The following HAS2 variants were observed in gnomAD, a reference collection of about 807,000 sequenced individuals.
HAS2 encodes the protein hyaluronan synthase 2.
HAS2 carries 16 observed loss-of-function variants against 51.6 expected under a neutral mutation model. The observed-to-expected ratio is 0.31, with a 90% CI of 0.21 to 0.47. The LOEUF is 0.47. Ranked by LOEUF, HAS2 falls within the 20% of genes least tolerant of loss-of-function variation. The probability of loss-of-function intolerance (pLI) is 1.00; values close to 1 mark genes in which losing one functional copy is unlikely to be tolerated. For missense variants in HAS2, 361 were observed against 662.6 expected (o/e 0.54, Z 5.00); for synonymous variants, 228 against 235.5 (o/e 0.97, Z 0.29).
intron 2 of HAS2, among the ~76,000 whole-genome samples, chr8:121,621,496 G>T (rs181191175): frequency 6.6e-6 from 1 of 152,238 alleles, no homozygotes; most frequent in African/African-American, 2.4e-5. Context: ...ATTTCCATTA[G>T]TATAAGGTAA....
At position 121,612,451 on chromosome 8, in the gene HAS2, T is replaced by G. The variant is rs951932380; in HGVS notation, c.*1658A>C. On this transcript the variant is annotated 3_prime_UTR_variant, in exon 4 of 4. Coordinates refer to ENST00000303924, the MANE Select transcript of HAS2 (RefSeq NM_005328.3). ...GCAGGATAGATGTAACATAGATGAC[T>G]GCATAAAAAAGAGGCAGAAAGGCAG... 3.9e-5 allele frequency: 6 copies of G among 152,042 alleles called. No homozygotes were observed. The highest frequency in any genetic ancestry group is 1.5e-4 in the African/African-American group (6 of 41,360). 9.4% of individuals were successfully genotyped at this position (152,042 alleles called of 1,614,324 possible). A position where few individuals can be genotyped will look rare whatever the true frequency, so the allele number is the denominator to read the frequency against.
chr8:121,628,990 G>A lies in HAS2; in HGVS notation c.351C>T (p.Val117=), dbSNP rs1812892373. 1 of 1,614,080 alleles carries A rather than the reference G, an allele frequency of 6.2e-7. No homozygotes were observed. The highest frequency in any genetic ancestry group is 1.1e-5 in the South Asian group (1 of 91,072). The change falls in exon 2 of 4, where the codon GTC becomes GTT. Residue 117 remains valine (V), a synonymous_variant. Transcript: ENST00000303924. ...KRLTYPGIKV[V]MVIDGNSEDD... is the part of the protein sequence containing the mutation. The stretch of plus-strand genomic sequence containing the variant: ...CTTCTGAGTTCCCATCTATGACCAT[G>A]ACAACTTTAATCCCAGGGTAGGTTA...
chr8:121,621,818 A>G (rs1812777161), intron 2 of HAS2, among the ~76,000 whole-genome samples: 1 of 152,100 alleles, frequency 6.6e-6, no homozygotes, highest in Non-Finnish European at 1.5e-5. Flanking sequence ...CCAAATCTCC[A>G]TGTTTTACTT....
In HAS2 at chr8:121,614,904, T is replaced by C; in HGVS notation, c.864A>G (p.Arg288=). ...CCACAAACTCATGCAACAAGGAGTT[T>C]CTGTACATTCCCAGAGGTCCACTAA... The part of the protein sequence containing the change: ...QCISGPLGMY[R]NSLLHEFVED... Residue 288 remains arginine (R), a synonymous_variant, in exon 4 of 4, where the codon AGA becomes AGG. Coordinates refer to ENST00000303924, the MANE Select transcript of HAS2 (RefSeq NM_005328.3). The surrounding 1 kb of genome is among the most constrained non-coding windows in gnomAD (Gnocchi z 7.2). 6.2e-7 allele frequency: 1 copy of C among 1,614,200 alleles called. No homozygotes were observed. Among genetic ancestry groups the C allele is most frequent in the Non-Finnish European group, 8.5e-7 (1 of 1,180,040 alleles).
At chr8:121,615,451 C>T (rs1812687128) in intron 3 of HAS2, among the ~76,000 whole-genome samples, 1 of 152,102 alleles carries the variant, frequency 6.6e-6, no homozygotes, top group Admixed American at 6.5e-5. Context: ...ATTCTCCTGC[C>T]TCACCTGGGA....
rs751354983 is a variant in HAS2 at position 121,615,003 on chromosome 8, G to A, written c.765C>T (p.Leu255=). The change falls in exon 4 of 4, where the codon CTC becomes CTT. Residue 255 remains leucine (L), a synonymous_variant. Transcript: ENST00000303924. ...LNKYDSWISF[L]SSVRYWMAFN... ...AAGCCATCCAATATCTTACACTGCT[G>A]AGGAATGAGATCCAGGAATCGTACT... The A allele has an allele frequency of 1.2e-6, 2 of 1,609,102 alleles. No individual in the cohort carries two copies. The highest frequency in any genetic ancestry group is 1.1e-5 in the South Asian group (1 of 90,400).
Position 121,612,877 on chromosome 8 carries a change from T to TATG in HAS2, c.*1229_*1231dup, listed in dbSNP as rs988347938. ...ATTCTATCTGCCAATTTTGAATTTA[T>TATG]ATGTTTTATAATTTATCCAACTCAC... On this transcript the variant is annotated 3_prime_UTR_variant, in exon 4 of 4. Transcript: ENST00000303924. The TATG allele has an allele frequency of 1.3e-5, 2 of 151,960 alleles. No individual in the cohort carries two copies. Among genetic ancestry groups the TATG allele is most frequent in the African/African-American group, 4.8e-5 (2 of 41,336 alleles). The allele number at this position is 151,960 out of a possible 1,614,324, so 9.4% of individuals were successfully genotyped here. A position where few individuals can be genotyped will look rare whatever the true frequency, so the allele number is the denominator to read the frequency against.
chr8:121,622,260 C>A (rs6651224), intron 2 of HAS2, among the ~76,000 whole-genome samples: 2 of 151,970 alleles, frequency 1.3e-5, no homozygotes, highest in African/African-American at 4.8e-5. Context: ...ACCATTCCCC[C>A]TGAACTCCTA....
intron 2 of HAS2, among the ~76,000 whole-genome samples, chr8:121,626,797 G>A (rs1011297839): frequency 1.3e-5 from 2 of 152,152 alleles, no homozygotes; most frequent in South Asian, 4.1e-4. Flanking sequence ...AATGCTAAGA[G>A]ATTTGTACTC....
At chr8:121,627,730 T>A (rs4255143) in intron 2 of HAS2, among the ~76,000 whole-genome samples, 3 of 151,874 alleles carry the variant, frequency 2.0e-5, no homozygotes, top group African/African-American at 7.3e-5. Context: ...ATCTCACTAC[T>A]TGACAACCAC....
chr8:121,614,880 C>T lies in HAS2; in HGVS notation c.888G>A (p.Val296=). 1 of 1,614,210 alleles carries T rather than the reference C, an allele frequency of 6.2e-7. No individual in the cohort carries two copies. Among genetic ancestry groups the T allele is most frequent in the Non-Finnish European group, 8.5e-7 (1 of 1,180,034 alleles). Residue 296 remains valine, a synonymous_variant, in exon 4 of 4, where the codon GTG becomes GTA. Coordinates refer to ENST00000303924, the MANE Select transcript of HAS2 (RefSeq NM_005328.3). The surrounding 1 kb of genome is among the most constrained non-coding windows in gnomAD (Gnocchi z 7.2). ...MYRNSLLHEF[V]EDWYNQEFMG... Reference sequence around the variant, plus strand: ...TAAATTCTTGATTGTACCAATCTTCCACAAACTCATGCAACAAGGAGTTTC... The same window carrying T: ...TAAATTCTTGATTGTACCAATCTTCTACAAACTCATGCAACAAGGAGTTTC...
chr8:121,621,878 C>T (rs1055213525), intron 2 of HAS2, among the ~76,000 whole-genome samples: 2 of 152,038 alleles, frequency 1.3e-5, no homozygotes, highest in African/African-American at 4.8e-5. Context: ...TCCTCCCATA[C>T]CACTTCAAAG....
Position 121,613,295 on chromosome 8 carries a change from A to G in HAS2, c.*814T>C, listed in dbSNP as rs1262048400. 2 of 152,450 alleles carry G rather than the reference A, an allele frequency of 1.3e-5. No homozygotes were observed. Among genetic ancestry groups the G allele is most frequent in the East Asian group, 3.8e-4 (2 of 5,196 alleles). The allele number at this position is 152,450 out of a possible 1,614,324, so 9.4% of individuals were successfully genotyped here. On this transcript the variant is annotated 3_prime_UTR_variant, in exon 4 of 4. Coordinates refer to ENST00000303924, the MANE Select transcript of HAS2 (RefSeq NM_005328.3). ...CGAAAGTGTGTATTTTTACTTCCAA[A>G]GTGTGATAGGTATATTGGCCTTTTC...
At chr8:121,619,152 G>C (rs1370807591) in intron 2 of HAS2, among the ~76,000 whole-genome samples, 1 of 151,958 alleles carries the variant, frequency 6.6e-6, no homozygotes, top group Non-Finnish European at 1.5e-5. Context: ...AAGGCGGGGG[G>C]ATTGTTTGAG....
At chr8:121,628,575 A>T in intron 2 of HAS2, 139 bp downstream of exon 2, 1 of 746,414 alleles carries the variant, frequency 1.3e-6, no homozygotes, top group Non-Finnish European at 2.2e-6. Context: ...TGCTTTCAAC[A>T]GTCATGCTGT....
At chr8:121,636,254 ATT>A in intron 1 of HAS2, among the ~76,000 whole-genome samples, 1 of 152,282 alleles carries the variant, frequency 6.6e-6, no homozygotes, top group Admixed American at 6.5e-5. Flanking sequence ...CCTGATGTGT[ATT>A]CCCTCTGCTA....
chr8:121,620,019 A>G (rs1307670889), intron 2 of HAS2, among the ~76,000 whole-genome samples: 2 of 152,164 alleles, frequency 1.3e-5, no homozygotes, highest in Non-Finnish European at 2.9e-5. Context: ...GCCCCTCCCA[A>G]TTTCCAATAG....
chr8:121,636,054 A>T (rs1055541365), intron 1 of HAS2, among the ~76,000 whole-genome samples: 2 of 152,212 alleles, frequency 1.3e-5, no homozygotes, highest in Non-Finnish European at 2.9e-5. Flanking sequence ...TATATATGCA[A>T]ATTACCTGCA....
At chr8:121,639,614 C>T (rs142623985) in intron 1 of HAS2, 1 of 153,008 alleles carries the variant, frequency 6.5e-6, no homozygotes, top group Non-Finnish European at 1.5e-5. Flanking sequence ...CCTGTGCTCC[C>T]AGCGCCTCTT....
Sources: gnomAD v4.1 joint callset for allele counts (sites outside exome capture counted in the v4.1 genomes callset) on GRCh38, gnomAD v4.1.1 for gene constraint, Gnocchi (gnomAD v3.1) non-coding constraint, MANE v1.5 for transcripts, NCBI Gene and HGNC (gene_info 2026-07-23, HGNC 2026-07-21) for gene names.